CCSER1: variants seen among roughly 807,000 people sequenced by gnomAD.
The protein encoded by CCSER1 is coiled-coil serine rich protein 1, also known as serine-rich coiled-coil domain-containing protein 1.
In CCSER1, 41 loss-of-function variants were observed where a neutral mutation model predicts 82.0. That is an observed-to-expected ratio of 0.50 (90% confidence interval 0.39 to 0.65). The LOEUF (loss-of-function observed/expected upper bound fraction) is 0.65. Among genes scored for constraint, CCSER1 ranks in the 30% least tolerant of loss-of-function variants. The pLI, the probability that CCSER1 is intolerant of heterozygous loss-of-function variation, is 0.00. For missense variants in CCSER1, 1,119 were observed against 1,064.2 expected (o/e 1.05, Z -0.72); for synonymous variants, 414 against 383.9 (o/e 1.08, Z -0.92).
intron 8 of CCSER1, among the ~76,000 whole-genome samples, chr4:90,818,697 TAGC>T (rs1759353625): frequency 6.6e-6 from 1 of 152,208 alleles, no homozygotes; most frequent in Non-Finnish European, 1.5e-5. Flanking sequence ...GTAGGACGTT[TAGC>T]AGCATCCCTA....
At chr4:90,841,314 C>T (rs2149874507) in intron 8 of CCSER1, among the ~76,000 whole-genome samples, 1 of 152,230 alleles carries the variant, frequency 6.6e-6, no homozygotes, top group Non-Finnish European at 1.5e-5. Context: ...CACAGTGGCT[C>T]ACGCCTGTCA....
intron 4 of CCSER1, among the ~76,000 whole-genome samples, chr4:90,463,355 G>A (rs1210938875): frequency 6.6e-6 from 1 of 152,104 alleles, no homozygotes; most frequent in African/African-American, 2.4e-5. Context: ...AATAGCATGA[G>A]GACTAGCGAG....
chr4:91,151,261 G>T (rs977424068), intron 10 of CCSER1, among the ~76,000 whole-genome samples: 1 of 152,080 alleles, frequency 6.6e-6, no homozygotes, highest in Non-Finnish European at 1.5e-5. Context: ...TTGCATAGAG[G>T]TGCTTATAGT....
intron 8 of CCSER1, among the ~76,000 whole-genome samples, chr4:90,827,569 G>A (rs186209737): frequency 1.3e-3 from 205 of 152,190 alleles, no homozygotes; most frequent in Non-Finnish European, 2.2e-3. Context: ...AGCACATAGG[G>A]CATCACAGAC....
chr4:90,160,468 A>G (rs1729230387), intron 1 of CCSER1, among the ~76,000 whole-genome samples: 1 of 152,194 alleles, frequency 6.6e-6, no homozygotes, highest in South Asian at 2.1e-4. Flanking sequence ...TCAGTGACAA[A>G]GAATGCAGTA....
chr4:90,625,002 T>A (rs1723006660), intron 5 of CCSER1, among the ~76,000 whole-genome samples: 1 of 152,208 alleles, frequency 6.6e-6, no homozygotes, highest in African/African-American at 2.4e-5. Context: ...TCATACTCTT[T>A]CTTTTTTTGC....
At chr4:91,024,848 A>C (rs1740346736) in intron 9 of CCSER1, among the ~76,000 whole-genome samples, 1 of 152,132 alleles carries the variant, frequency 6.6e-6, no homozygotes, top group African/African-American at 2.4e-5. Context: ...ATTGAAGGTT[A>C]TGTGAGTTGA....
intron 9 of CCSER1, among the ~76,000 whole-genome samples, chr4:90,980,635 A>G (rs1220925480): frequency 2.0e-5 from 3 of 151,652 alleles, no homozygotes; most frequent in Non-Finnish European, 4.4e-5. Flanking sequence ...AGCTAACAGG[A>G]TTTGCTCTTA....
chr4:91,125,181 G>C (rs1051981978), intron 10 of CCSER1, among the ~76,000 whole-genome samples: 1 of 151,522 alleles, frequency 6.6e-6, no homozygotes, highest in African/African-American at 2.4e-5. Context: ...ATTACATCAG[G>C]ATTTATGAAA....
chr4:90,278,183 A>G (rs928125387), intron 1 of CCSER1, among the ~76,000 whole-genome samples: 2 of 152,078 alleles, frequency 1.3e-5, no homozygotes, highest in African/African-American at 4.8e-5. Flanking sequence ...AAAATGGCAG[A>G]TGTTGATGAA....
intron 1 of CCSER1, among the ~76,000 whole-genome samples, chr4:90,242,444 A>C (rs977854751): frequency 2.6e-5 from 4 of 152,264 alleles, no homozygotes; most frequent in African/African-American, 9.6e-5. Flanking sequence ...AGTACGAAGA[A>C]ATGTACAAAA....
chr4:90,477,325 C>T lies in CCSER1; in HGVS notation c.1724+8971C>T, dbSNP rs76710080. ...CAGTTAGATGACATGGAGCAAGGAG[C>T]GGGTACTACTGTTATTGAAGTCAAG... is the stretch of plus-strand genomic sequence containing the variant. On this transcript the variant is annotated intron_variant, in intron 5 of 10. Transcript: ENST00000509176. Among the ~76,000 whole-genome samples, 1,190 of 152,148 alleles carry T rather than the reference C, an allele frequency of 7.8e-3. 15 individuals are homozygous for T. Among genetic ancestry groups the T allele is most frequent in the African/African-American group, 0.027 (1,130 of 41,504 alleles).
intron 10 of CCSER1, among the ~76,000 whole-genome samples, chr4:91,542,219 G>A (rs1222181630): frequency 1.3e-5 from 2 of 152,148 alleles, no homozygotes; most frequent in Non-Finnish European, 2.9e-5. Flanking sequence ...CCGTGCAGAA[G>A]CTCTTTAGTT....
chr4:90,718,792 T>C (rs1742144016), intron 6 of CCSER1, among the ~76,000 whole-genome samples: 1 of 152,138 alleles, frequency 6.6e-6, no homozygotes, highest in Non-Finnish European at 1.5e-5. Flanking sequence ...AAACTTTTAA[T>C]TGGGGAATAG....
At chr4:91,175,651 C>T (rs1283247246) in intron 10 of CCSER1, among the ~76,000 whole-genome samples, 3 of 152,140 alleles carry the variant, frequency 2.0e-5, no homozygotes, top group Admixed American at 6.5e-5. Context: ...ATATCCTTTG[C>T]CTGCTTTTTG....
At chr4:90,475,831 G>T (rs1004034256) in intron 5 of CCSER1, among the ~76,000 whole-genome samples, 3 of 152,122 alleles carry the variant, frequency 2.0e-5, no homozygotes, top group African/African-American at 2.4e-5. Flanking sequence ...GGGCCAATTT[G>T]CTAGTCTCTA....
In CCSER1 at chr4:90,413,941, A is replaced by T. The variant is rs34593504; in HGVS notation, c.1603+13812A>T. Among the ~76,000 whole-genome samples the T allele has an allele frequency of 1.4e-3, 149 of 108,336 alleles. 1 individual carries two copies. Among genetic ancestry groups the T allele is most frequent in the African/African-American group, 4.3e-3 (120 of 27,640 alleles). 71.1% of individuals were successfully genotyped at this position (108,336 alleles called of 152,430 possible). A position where few individuals can be genotyped will look rare whatever the true frequency, so the allele number is the denominator to read the frequency against. ...CCCAGCCTGGGTGACAGAGCGAGAC[A>T]CCGTCTCAAAAAAAAAAAAAAAAAA... is the stretch of plus-strand genomic sequence containing the variant. On this transcript the variant is annotated intron_variant, in intron 4 of 10. Transcript: ENST00000509176.
intron 9 of CCSER1, among the ~76,000 whole-genome samples, chr4:91,035,044 A>G (rs138435498): frequency 2.6e-5 from 4 of 152,312 alleles, no homozygotes; most frequent in African/African-American, 4.8e-5. Context: ...AATGTTTTCT[A>G]TAAGTGTATA....
intron 8 of CCSER1, among the ~76,000 whole-genome samples, chr4:90,922,907 C>G (rs1273356619): frequency 6.6e-6 from 1 of 152,058 alleles, no homozygotes; most frequent in East Asian, 1.9e-4. Flanking sequence ...GGTAAACATT[C>G]CTAAATGTGT....
Sources: gnomAD v4.1 joint callset for allele counts (sites outside exome capture counted in the v4.1 genomes callset) on GRCh38, gnomAD v4.1.1 for gene constraint, MANE v1.5 for transcripts, NCBI Gene and HGNC (gene_info 2026-07-23, HGNC 2026-07-21) for gene names.